CHODL: variants seen among roughly 807,000 people sequenced by gnomAD.
CHODL encodes chondrolectin.
In CHODL, 29 loss-of-function variants were observed where a neutral mutation model predicts 34.5. The ratio of observed to expected loss-of-function variants is 0.84; its 90% CI spans 0.63 to 1.15. The LOEUF (loss-of-function observed/expected upper bound fraction) is 1.15, where lower values mean the gene tolerates loss of function less well. CHODL is among the 50% of genes most tolerant of loss of function. The pLI, the probability that CHODL is intolerant of heterozygous loss-of-function variation, is 0.00. For synonymous variants in CHODL, 125 were observed against 116.1 expected (o/e 1.08, Z -0.49); for missense variants, 332 against 332.5 (o/e 1.00, Z 0.01).
chr21:18,246,259 G>A (rs1435711191), intron 1 of CHODL, among the ~76,000 whole-genome samples: 1 of 151,982 alleles, frequency 6.6e-6, no homozygotes. Flanking sequence ...AGTATTTGTT[G>A]GATATATGTG....
chr21:18,131,505 A>T (rs1033187759), intron 2 of CHODL, among the ~76,000 whole-genome samples: 20 of 152,178 alleles, frequency 1.3e-4, no homozygotes, highest in Admixed American at 4.6e-4. Flanking sequence ...TTGGGTAAAT[A>T]TTTAATTTTT....
At chr21:18,097,023 CCT>C (rs2065148413) in intron 2 of CHODL, among the ~76,000 whole-genome samples, 2 of 151,968 alleles carry the variant, frequency 1.3e-5, no homozygotes, top group African/African-American at 4.8e-5. Flanking sequence ...GGCTGGTTCC[CCT>C]GATAGATTAA....
intron 2 of CHODL, among the ~76,000 whole-genome samples, chr21:18,190,315 A>G (rs182680656): frequency 2.0e-5 from 3 of 152,308 alleles, no homozygotes; most frequent in Non-Finnish European, 4.4e-5. Context: ...AATGAAAGCT[A>G]CTTATAGGTA....
intron 2 of CHODL, among the ~76,000 whole-genome samples, chr21:18,090,433 G>A (rs903117943): frequency 6.6e-6 from 1 of 152,114 alleles, no homozygotes; most frequent in Non-Finnish European, 1.5e-5. Flanking sequence ...ACATAAAAGA[G>A]AAAGATGAAG....
At chr21:18,248,279 A>G (rs962699444) in intron 1 of CHODL, among the ~76,000 whole-genome samples, 2 of 151,808 alleles carry the variant, frequency 1.3e-5, no homozygotes, top group Non-Finnish European at 1.5e-5. Context: ...ACAATATGAT[A>G]TAATATATAC....
At chr21:18,004,027 G>A (rs2063936435) in intron 1 of CHODL, among the ~76,000 whole-genome samples, 1 of 152,150 alleles carries the variant, frequency 6.6e-6, no homozygotes, top group Admixed American at 6.5e-5. Flanking sequence ...AGTGACTCAG[G>A]CAAAAGACAT....
intron 1 of CHODL, among the ~76,000 whole-genome samples, chr21:17,932,569 A>G (rs902924404): frequency 2.7e-5 from 4 of 150,314 alleles, no homozygotes; most frequent in African/African-American, 4.9e-5. Flanking sequence ...GTGTCCATCA[A>G]TGAATGATTG....
chr21:18,243,663 C>A (rs959431520), upstream of CHODL, among the ~76,000 whole-genome samples: 3 of 151,952 alleles, frequency 2.0e-5, no homozygotes, highest in African/African-American at 7.3e-5. Context: ...AGCTGGGACT[C>A]CAGACGGAGC....
intron 2 of CHODL, among the ~76,000 whole-genome samples, chr21:18,044,499 C>T (rs781644065): frequency 6.6e-6 from 1 of 151,858 alleles, no homozygotes; most frequent in Non-Finnish European, 1.5e-5. Flanking sequence ...ATTGAATTTT[C>T]ACTTTGCGCT....
chr21:17,966,140 A>C lies in CHODL; in HGVS notation c.-145+48740A>C, dbSNP rs567026252. On this transcript the variant is annotated intron_variant, in intron 1 of 6. Coordinates refer to the CHODL transcript ENST00000400127. ...AAGAAATGATGGAGAGATGGCATTCATGTCATCAGCCAATATATTTAGGAT... is the reference window on the plus strand; with the variant it reads ...AAGAAATGATGGAGAGATGGCATTCCTGTCATCAGCCAATATATTTAGGAT... Among the ~76,000 whole-genome samples, 42 of 152,288 alleles carry C rather than the reference A, an allele frequency of 2.8e-4. 1 individual carries two copies. Among genetic ancestry groups the C allele is most frequent in the Middle Eastern group, 3.4e-3 (1 of 294 alleles).
At chr21:18,245,412 G>T (rs2074127635) in intron 1 of CHODL, 110 bp downstream of exon 1, 1 of 838,186 alleles carries the variant, frequency 1.2e-6, no homozygotes, top group South Asian at 1.8e-5. Context: ...AAACCTGCAT[G>T]GTGTAAGGAC....
intron 1 of CHODL, among the ~76,000 whole-genome samples, chr21:17,934,944 C>T (rs1249883894): frequency 6.6e-6 from 1 of 152,120 alleles, no homozygotes. Flanking sequence ...CCTGGGCAGC[C>T]CGCAGTGCTA....
chr21:17,920,123 C>T (rs1386395479), intron 1 of CHODL, among the ~76,000 whole-genome samples: 1 of 152,192 alleles, frequency 6.6e-6, no homozygotes, highest in Non-Finnish European at 1.5e-5. Flanking sequence ...CTTCTGAACC[C>T]TCCAGACTGT....
chr21:18,141,829 A>G (rs1568907366), intron 2 of CHODL, among the ~76,000 whole-genome samples: 1 of 152,104 alleles, frequency 6.6e-6, no homozygotes, highest in Non-Finnish European at 1.5e-5. Flanking sequence ...TGAAGGTAAG[A>G]ATCAGGAAGC....
At chr21:18,073,611 C>T (rs1329583046) in intron 2 of CHODL, among the ~76,000 whole-genome samples, 6 of 151,914 alleles carry the variant, frequency 3.9e-5, no homozygotes, top group African/African-American at 7.2e-5. Context: ...ATTATTCAAC[C>T]GGCATTATTT....
intron 2 of CHODL, among the ~76,000 whole-genome samples, chr21:18,099,276 G>A (rs1326969789): frequency 6.6e-6 from 1 of 151,978 alleles, no homozygotes; most frequent in African/African-American, 2.4e-5. Flanking sequence ...TGCTTGATGA[G>A]ATGGATACTT....
chr21:17,921,607 C>T (rs1313643047), intron 1 of CHODL, among the ~76,000 whole-genome samples: 1 of 152,188 alleles, frequency 6.6e-6, no homozygotes, highest in Non-Finnish European at 1.5e-5. Flanking sequence ...ATTTATCCAC[C>T]TTTGTCTCTC....
chr21:18,208,923 T>G (rs1401509106), intron 2 of CHODL, among the ~76,000 whole-genome samples: 1 of 132,338 alleles, frequency 7.6e-6, no homozygotes, highest in Non-Finnish European at 1.6e-5. Flanking sequence ...GGGGTTACAC[T>G]AGCAGCTCTG....
intron 1 of CHODL, among the ~76,000 whole-genome samples, chr21:17,929,827 G>A (rs1600975643): frequency 1.4e-5 from 1 of 73,448 alleles, no homozygotes. Flanking sequence ...GGAGGGAGTG[G>A]GGAGGGAGTG....
Sources: allele counts gnomAD v4.1 joint callset (sites outside exome capture counted in the v4.1 genomes callset), GRCh38; gene constraint gnomAD v4.1.1; transcripts MANE v1.5; gene names NCBI Gene and HGNC (gene_info 2026-07-23, HGNC 2026-07-21).